Variants in ITGB5 observed in about 807,000 individuals in gnomAD.
ITGB5 encodes integrin subunit beta 5.
Under a neutral mutation model 84.8 loss-of-function variants are expected in ITGB5, and 38 were observed. The observed-to-expected ratio is 0.45, with a 90% CI of 0.35 to 0.59. The LOEUF (loss-of-function observed/expected upper bound fraction) is 0.59, where lower values mean the gene tolerates loss of function less well. Among genes scored for constraint, ITGB5 ranks in the 20% least tolerant of loss-of-function variants. The probability of loss-of-function intolerance (pLI) is 0.01; values close to 1 mark genes in which losing one functional copy is unlikely to be tolerated. For synonymous variants in ITGB5, 393 were observed against 414.4 expected (o/e 0.95, Z 0.63); for missense variants, 905 against 1,034.5 (o/e 0.87, Z 1.72).
At chr3:124,763,794 G>T in intron 14 of ITGB5, 76 bp from the exon 15 acceptor site, 1 of 857,022 alleles carries the variant, frequency 1.2e-6, no homozygotes, top group Non-Finnish European at 1.9e-6. Context: ...CAGGCCCTAG[G>T]ATCCCTTCCC....
chr3:124,821,191 G>C (rs1489315378), intron 6 of ITGB5, 122 bp downstream of exon 6: 1 of 1,088,192 alleles, frequency 9.2e-7, no homozygotes, highest in African/African-American at 1.6e-5. Context: ...CCCAAGAAGG[G>C]ATCAGAAAGC....
At chr3:124,819,462 CCT>C (rs1559951300) in intron 7 of ITGB5, among the ~76,000 whole-genome samples, 1 of 152,096 alleles carries the variant, frequency 6.6e-6, no homozygotes, top group East Asian at 1.9e-4. Context: ...GTAGAGTGTG[CCT>C]CTCTGTTTCC....
chr3:124,784,829 C>T (rs2150952699), intron 10 of ITGB5, among the ~76,000 whole-genome samples: 1 of 152,372 alleles, frequency 6.6e-6, no homozygotes, highest in East Asian at 1.9e-4. Context: ...TGTGAACTCG[C>T]CACCCTCTTG....
rs745452293 is a variant in ITGB5 at position 124,859,328 on chromosome 3, A to G, written c.275T>C (p.Leu92Pro). ...PASSFHVLRS[L>P]PLSSKGSGSA... ...GCCCGAACCCTTGCTGCTGAGGGGC[A>G]GGCTCCTCAGGACATGGAAGCTGCT... Residue 92 changes from leucine (L) to proline (P), a missense_variant, in exon 3 of 15, where the codon CTG becomes CCG. Transcript: ENST00000296181. 3 of 1,613,982 alleles carry G rather than the reference A, an allele frequency of 1.9e-6. No homozygotes were observed. The highest frequency in any genetic ancestry group is 2.5e-6 in the Non-Finnish European group (3 of 1,180,004).
At chr3:124,834,455 G>T (rs1031069668) in intron 5 of ITGB5, among the ~76,000 whole-genome samples, 3 of 144,298 alleles carry the variant, frequency 2.1e-5, no homozygotes, top group African/African-American at 7.7e-5. Context: ...AGGAAGGAAG[G>T]AAGGAAAGAG....
intron 9 of ITGB5, among the ~76,000 whole-genome samples, 162 bp downstream of exon 9, chr3:124,808,860 C>T (rs552530247): frequency 1.6e-4 from 25 of 152,294 alleles, no homozygotes; most frequent in African/African-American, 6.0e-4. Flanking sequence ...AGACTCTGAA[C>T]ACATCATGCA....
intron 10 of ITGB5, chr3:124,781,340 G>C (rs571349133): frequency 6.6e-6 from 1 of 152,432 alleles, no homozygotes; most frequent in South Asian, 2.1e-4. Context: ...TTGGGATTAC[G>C]TAACAGACCC....
intron 1 of ITGB5, 82 bp from the exon 2 acceptor site, chr3:124,873,613 T>C (rs900112160): frequency 2.8e-6 from 3 of 1,056,126 alleles, no homozygotes; most frequent in African/African-American, 3.1e-5. Flanking sequence ...GGGAATTACA[T>C]CCTTCTTTAA....
chr3:124,851,428 G>A (rs2065152184), intron 3 of ITGB5, among the ~76,000 whole-genome samples: 1 of 152,164 alleles, frequency 6.6e-6, no homozygotes, highest in Admixed American at 6.5e-5. Context: ...AATCCTGCCA[G>A]CAACTTGAAT....
At chr3:124,900,867 G>T (rs770739394) in intron 1 of ITGB5, among the ~76,000 whole-genome samples, 53 of 152,082 alleles carry the variant, frequency 3.5e-4, no homozygotes, top group Non-Finnish European at 4.6e-4. Context: ...CTGAACAATT[G>T]TACCAAACTT....
At chr3:124,861,495 T>TACACACACACACACACAC (rs1553766077) in intron 2 of ITGB5, among the ~76,000 whole-genome samples, 3 of 111,992 alleles carry the variant, frequency 2.7e-5, no homozygotes, top group Non-Finnish European at 3.4e-5. Flanking sequence ...TATATATATA[T>TACACACACACACACACAC]ACACACACAC....
At chr3:124,852,465 G>A (rs1323209428) in intron 3 of ITGB5, among the ~76,000 whole-genome samples, 1 of 151,886 alleles carries the variant, frequency 6.6e-6, no homozygotes, top group Non-Finnish European at 1.5e-5. Context: ...TTCCAGAGTA[G>A]CCAGCTCCAA....
intron 14 of ITGB5, 94 bp downstream of exon 14, chr3:124,764,297 G>T: frequency 7.6e-7 from 1 of 1,313,308 alleles, no homozygotes; most frequent in Non-Finnish European, 1.1e-6. Flanking sequence ...TAATGCCAAA[G>T]ACATTAGTGA....
At chr3:124,876,173 A>G (rs1457772042) in intron 1 of ITGB5, among the ~76,000 whole-genome samples, 2 of 152,200 alleles carry the variant, frequency 1.3e-5, no homozygotes, top group African/African-American at 4.8e-5. Flanking sequence ...CACAAAGATA[A>G]CTATGGGAGG....
intron 10 of ITGB5, among the ~76,000 whole-genome samples, chr3:124,775,250 G>A (rs1382908171): frequency 3.3e-5 from 5 of 151,562 alleles, no homozygotes; most frequent in Non-Finnish European, 7.4e-5. Flanking sequence ...GAGTGCAAGT[G>A]TGTGTGAGGA....
In ITGB5 at chr3:124,782,585, C is replaced by T. The variant is rs140595157; in HGVS notation, c.1694-8673G>A. Among the ~76,000 whole-genome samples, 243 of 152,280 alleles carry T rather than the reference C, an allele frequency of 1.6e-3. 4 individuals carry two copies. The highest frequency in any genetic ancestry group is 0.015 in the South Asian group (72 of 4,824). On this transcript the variant is annotated intron_variant, in intron 10 of 14. Transcript: ENST00000296181. ...TAAGGATGTGGTTGTGGGCTGGGCA[C>T]GGTGGCTCACGGCTGTAATCCCAGC...
At position 124,796,558 on chromosome 3, in the gene ITGB5, A is replaced by C; in HGVS notation, c.1523T>G (p.Val508Gly). Reference protein sequence around the residue: ...CECQDGENQSVYQNLCREAEG... With the variant: ...CECQDGENQSGYQNLCREAEG... ...TGCCTCCCGGCACAGGTTCTGGTAC[A>C]CGCTCTGGTTCTCCCCATCCTGGCA... The change falls in exon 10 of 15, where the codon GTG becomes GGG. Residue 508 changes from valine (V) to glycine (G), a missense_variant. By Grantham distance (109) the Val-to-Gly change is moderately radical. Transcript: ENST00000296181. 6.2e-7 allele frequency: 1 copy of C among 1,614,078 alleles called. No homozygotes were observed. The highest frequency in any genetic ancestry group is 8.5e-7 in the Non-Finnish European group (1 of 1,180,022).
At chr3:124,773,072 A>ATTT (rs1466230795) in intron 11 of ITGB5, among the ~76,000 whole-genome samples, 1 of 151,848 alleles carries the variant, frequency 6.6e-6, no homozygotes, top group African/African-American at 2.4e-5. Context: ...CACCCCGCTA[A>ATTT]TTTTTGTATT....
intron 3 of ITGB5, among the ~76,000 whole-genome samples, chr3:124,856,695 T>C (rs1347172832): frequency 6.6e-6 from 1 of 152,226 alleles, no homozygotes; most frequent in African/African-American, 2.4e-5. Context: ...ATACTGTTAC[T>C]ATGATAAAAA....
Sources: allele counts gnomAD v4.1 joint callset (sites outside exome capture counted in the v4.1 genomes callset), GRCh38; gene constraint gnomAD v4.1.1; transcripts MANE v1.5; gene names NCBI Gene and HGNC (gene_info 2026-07-23, HGNC 2026-07-21).